The following RUNDC3B variants were observed in gnomAD, a reference collection of about 807,000 sequenced individuals.
The protein encoded by RUNDC3B is RUN domain containing 3B, also known as RUN domain-containing protein 3B.
RUNDC3B carries 33 observed loss-of-function variants against 58.4 expected under a neutral mutation model. The observed-to-expected ratio is 0.56, with a 90% CI of 0.43 to 0.75. RUNDC3B has a LOEUF of 0.75. Ranked by LOEUF, RUNDC3B falls within the 30% of genes least tolerant of loss-of-function variation. The pLI is 0.00. For synonymous variants in RUNDC3B, 193 were observed against 195.2 expected (o/e 0.99, Z 0.10); for missense variants, 501 against 535.7 (o/e 0.94, Z 0.64).
chr7:87,827,419 C>T (rs1162667335), intron 10 of RUNDC3B, among the ~76,000 whole-genome samples: 1 of 151,778 alleles, frequency 6.6e-6, no homozygotes, highest in African/African-American at 2.4e-5. Flanking sequence ...CCTGGGAGGC[C>T]GAGATTGCAG....
At chr7:87,633,055 G>C (rs979218118) in intron 1 of RUNDC3B, among the ~76,000 whole-genome samples, 1 of 152,090 alleles carries the variant, frequency 6.6e-6, no homozygotes, top group Non-Finnish European at 1.5e-5. Context: ...GTTTTCTATA[G>C]GTCATGATAT....
rs73706931 is a variant in RUNDC3B at position 87,811,068 on chromosome 7, T to C, written c.1103+3549T>C. 7.9e-3 allele frequency among the ~76,000 whole-genome samples: 1,200 copies of C among 152,274 alleles called. 22 individuals are homozygous for C. Among genetic ancestry groups the C allele is most frequent in the African/African-American group, 0.027 (1,136 of 41,556 alleles). Reference sequence around the variant, plus strand: ...AGTAAGTTCTGTTTTAATATCTTTATATATATGTAAAGTCTAGGTCACATG... The same window carrying C: ...AGTAAGTTCTGTTTTAATATCTTTACATATATGTAAAGTCTAGGTCACATG... On this transcript the variant is annotated intron_variant, in intron 9 of 10. Coordinates refer to ENST00000394654, the MANE Select transcript of RUNDC3B (RefSeq NM_001134405.2).
chr7:87,654,145 T>C (rs892454177), intron 2 of RUNDC3B, among the ~76,000 whole-genome samples: 4 of 151,992 alleles, frequency 2.6e-5, no homozygotes, highest in African/African-American at 9.7e-5. Flanking sequence ...AAAATGTTTA[T>C]ATTAACAATC....
chr7:87,796,878 C>G (rs891348644), intron 8 of RUNDC3B, among the ~76,000 whole-genome samples: 1 of 152,070 alleles, frequency 6.6e-6, no homozygotes, highest in Admixed American at 6.6e-5. Context: ...AAGGATATAC[C>G]ATGGATAATT....
intron 8 of RUNDC3B, among the ~76,000 whole-genome samples, chr7:87,804,688 TA>T (rs954314911): frequency 3.6e-4 from 55 of 152,168 alleles, no homozygotes; most frequent in Non-Finnish European, 7.1e-4. Context: ...AGATAAGTGA[TA>T]AATAGAATCT....
intron 8 of RUNDC3B, among the ~76,000 whole-genome samples, chr7:87,782,442 G>A (rs1834979317): frequency 1.3e-5 from 2 of 151,830 alleles, no homozygotes; most frequent in African/African-American, 4.8e-5. Context: ...TTGATCCTTT[G>A]AGTAGGTTTT....
At chr7:87,678,158 C>T (rs978265365) in intron 2 of RUNDC3B, among the ~76,000 whole-genome samples, 1 of 152,082 alleles carries the variant, frequency 6.6e-6, no homozygotes, top group Non-Finnish European at 1.5e-5. Context: ...AGTTTTTCTC[C>T]TCTATTAAGG....
At chr7:87,636,846 G>A (rs1821825891) in intron 1 of RUNDC3B, among the ~76,000 whole-genome samples, 1 of 152,138 alleles carries the variant, frequency 6.6e-6, no homozygotes, top group African/African-American at 2.4e-5. Context: ...ACCTGAGACT[G>A]GGTAATTTAT....
At chr7:87,671,063 G>A (rs146031842) in intron 2 of RUNDC3B, among the ~76,000 whole-genome samples, 120 of 152,256 alleles carry the variant, frequency 7.9e-4, no homozygotes, top group African/African-American at 2.7e-3. Flanking sequence ...TTTCCTGGGG[G>A]CTCCAACCCA....
At chr7:87,757,585 T>C (rs1238384057) in intron 6 of RUNDC3B, among the ~76,000 whole-genome samples, 1 of 152,060 alleles carries the variant, frequency 6.6e-6, no homozygotes, top group Non-Finnish European at 1.5e-5. Flanking sequence ...CAGTGTCCCA[T>C]CACACCAAGC....
chr7:87,827,067 GCAAA>G (rs1837856275), intron 10 of RUNDC3B, among the ~76,000 whole-genome samples: 2 of 152,212 alleles, frequency 1.3e-5, no homozygotes, highest in African/African-American at 4.8e-5. Context: ...TAATGAAATG[GCAAA>G]CAACATATAC....
At chr7:87,725,316 CA>C (rs1831156613) in intron 4 of RUNDC3B, among the ~76,000 whole-genome samples, 1 of 152,138 alleles carries the variant, frequency 6.6e-6, no homozygotes, top group Non-Finnish European at 1.5e-5. Context: ...GTTCAATTCG[CA>C]CCTATAAGTG....
intron 2 of RUNDC3B, among the ~76,000 whole-genome samples, chr7:87,681,962 A>C (rs959681868): frequency 6.6e-6 from 1 of 152,204 alleles, no homozygotes; most frequent in African/African-American, 2.4e-5. Flanking sequence ...ACTTCTTTCA[A>C]AATTGGAGTC....
intron 9 of RUNDC3B, among the ~76,000 whole-genome samples, chr7:87,812,762 A>G (rs931277829): frequency 1.3e-5 from 2 of 152,254 alleles, no homozygotes; most frequent in Non-Finnish European, 2.9e-5. Flanking sequence ...CTTCTGAGAA[A>G]GTAATAGCTG....
chr7:87,722,437 G>A (rs1387730931), intron 4 of RUNDC3B, among the ~76,000 whole-genome samples: 4 of 152,126 alleles, frequency 2.6e-5, no homozygotes, highest in Non-Finnish European at 5.9e-5. Context: ...ATGTAAGTGA[G>A]ATAATGAAGT....
chr7:87,750,381 TG>T (rs1211241357), intron 6 of RUNDC3B, among the ~76,000 whole-genome samples: 14 of 151,512 alleles, frequency 9.2e-5, no homozygotes, highest in Non-Finnish European at 1.9e-4. Flanking sequence ...TATAGTCCTT[TG>T]GGTATATACC....
At chr7:87,694,243 G>A (rs1445372060) in intron 2 of RUNDC3B, among the ~76,000 whole-genome samples, 46 of 152,020 alleles carry the variant, frequency 3.0e-4, no homozygotes, top group Non-Finnish European at 4.4e-5. Flanking sequence ...AGCAGCTCAG[G>A]GAAGCTGTAT....
chr7:87,749,240 A>G (rs749432529), intron 6 of RUNDC3B, among the ~76,000 whole-genome samples: 20 of 152,222 alleles, frequency 1.3e-4, no homozygotes, highest in Non-Finnish European at 2.9e-4. Flanking sequence ...TACATGTAAG[A>G]TACTGAAGTA....
intron 4 of RUNDC3B, among the ~76,000 whole-genome samples, chr7:87,714,505 A>AGT (rs1244001740): frequency 6.6e-6 from 1 of 152,180 alleles, no homozygotes; most frequent in African/African-American, 2.4e-5. Flanking sequence ...TTTACAATAT[A>AGT]GTGTGTGTGT....
Sources: allele counts gnomAD v4.1 joint callset (sites outside exome capture counted in the v4.1 genomes callset), GRCh38; gene constraint gnomAD v4.1.1; transcripts MANE v1.5; gene names NCBI Gene and HGNC (gene_info 2026-07-23, HGNC 2026-07-21).